DACH2: variants seen among roughly 807,000 people sequenced by gnomAD.
DACH2 encodes the protein dachshund homolog 2.
In DACH2, 17 loss-of-function variants were observed where a neutral mutation model predicts 35.8. That is an observed-to-expected ratio of 0.48 (90% CI 0.33 to 0.71). DACH2 has a LOEUF of 0.71. Ranked by LOEUF, DACH2 falls within the 30% of genes least tolerant of loss-of-function variation. The pLI is 0.02. For missense variants in DACH2, 469 were observed against 472.7 expected, an observed-to-expected ratio of 0.99 and a Z score of 0.07; for synonymous variants, 195 against 177.3, an observed-to-expected ratio of 1.10 and a Z score of -0.79.
At chrX:86,160,496 A>G in intron 1 of DACH2, 1 of 532,271 alleles carries the variant, frequency 1.9e-6, no homozygotes, top group Non-Finnish European at 3.4e-6. Flanking sequence ...CTTTTCCTTC[A>G]GTACAGCAAA....
intron 2 of DACH2, among the ~76,000 whole-genome samples, chrX:86,387,758 A>G (rs911848219): frequency 1.8e-5 from 2 of 112,097 alleles, no homozygotes; most frequent in African/African-American, 6.5e-5. Context: ...TCAATATTCA[A>G]TAAATATTTA....
intron 4 of DACH2, among the ~76,000 whole-genome samples, chrX:86,682,896 G>C (rs936006232): frequency 6.3e-5 from 7 of 110,829 alleles, no homozygotes; most frequent in Non-Finnish European, 1.3e-4. Context: ...AATTTTTGGT[G>C]ATAAAATTAG....
At chrX:86,206,929 C>T (rs1303587511) in intron 1 of DACH2, among the ~76,000 whole-genome samples, 3 of 111,517 alleles carry the variant, frequency 2.7e-5, no homozygotes, top group Non-Finnish European at 5.7e-5. Flanking sequence ...TGGGTAAGCA[C>T]CTTAAATCTT....
At chrX:86,418,003 C>T (rs2036738195) in intron 2 of DACH2, among the ~76,000 whole-genome samples, 2 of 111,562 alleles carry the variant, frequency 1.8e-5, no homozygotes, top group African/African-American at 6.5e-5. Flanking sequence ...CTCTAGGCTC[C>T]ATGCAAGTCC....
At chrX:86,349,599 G>A (rs1205220508) in intron 1 of DACH2, among the ~76,000 whole-genome samples, 3 of 112,094 alleles carry the variant, frequency 2.7e-5, no homozygotes, top group Non-Finnish European at 5.6e-5. Context: ...CACAGCTCGA[G>A]TTTAGTCAGT....
intron 5 of DACH2, among the ~76,000 whole-genome samples, chrX:86,705,063 A>ATATATATCTCACATATATATATATATC (rs59432076): frequency 7.6e-5 from 8 of 104,657 alleles, no homozygotes; most frequent in African/African-American, 2.9e-4. Context: ...ATATATATAT[A>ATATATATCTCACATATATATATATATC]TATCTCACAT....
Position 86,334,295 on chromosome X carries a change from G to A in DACH2, c.489-42529G>A, listed in dbSNP as rs952926405. Among the ~76,000 whole-genome samples, 65 of 111,819 alleles carry A rather than the reference G, an allele frequency of 5.8e-4. 1 individual carries two copies. The highest frequency in any genetic ancestry group is 2.0e-3 in the African/African-American group (61 of 30,775). ...CAGTAATGGGATTGCTGGGTCAAAA[G>A]GTATTATTTCTAGGTTTAGATCCTT... On this transcript the variant is annotated intron_variant, in intron 1 of 11. Transcript: ENST00000373125.
At chrX:86,265,213 C>G (rs2147966171) in intron 1 of DACH2, among the ~76,000 whole-genome samples, 1 of 111,645 alleles carries the variant, frequency 9.0e-6, no homozygotes, top group Admixed American at 9.5e-5. Flanking sequence ...TATTGCGGGA[C>G]AGATGAGTGG....
At chrX:86,214,737 T>C (rs983337155) in intron 1 of DACH2, among the ~76,000 whole-genome samples, 1 of 111,708 alleles carries the variant, frequency 9.0e-6, no homozygotes, top group African/African-American at 3.2e-5. Flanking sequence ...TTAGCATCTT[T>C]TATAGCTGTA....
chrX:86,325,285 G>A (rs759983920), intron 1 of DACH2, among the ~76,000 whole-genome samples: 9 of 111,555 alleles, frequency 8.1e-5, no homozygotes, highest in South Asian at 3.8e-4. Context: ...GCGAGCTCAC[G>A]CTTAATTGAG....
intron 7 of DACH2, among the ~76,000 whole-genome samples, chrX:86,801,708 G>A (rs1468420359): frequency 1.8e-5 from 2 of 111,848 alleles, no homozygotes; most frequent in African/African-American, 6.5e-5. Flanking sequence ...GTTTTCCCAA[G>A]TTTTCCATGA....
At chrX:86,716,566 T>A (rs1362794234) in intron 6 of DACH2, among the ~76,000 whole-genome samples, 1 of 111,408 alleles carries the variant, frequency 9.0e-6, no homozygotes, top group Non-Finnish European at 1.9e-5. Context: ...TTCAAAGTAA[T>A]GGTATTGTTA....
At chrX:86,337,821 T>G (rs2213649) in intron 1 of DACH2, among the ~76,000 whole-genome samples, 1,899 of 111,512 alleles carry the variant, frequency 0.017, 31 homozygotes, top group African/African-American at 0.056. Flanking sequence ...GAGACCCATC[T>G]CATGTGCAGA....
intron 7 of DACH2, among the ~76,000 whole-genome samples, chrX:86,797,308 GTA>G (rs1050671426): frequency 2.7e-5 from 3 of 109,945 alleles, no homozygotes; most frequent in African/African-American, 9.9e-5. Flanking sequence ...ACATACATAA[GTA>G]TATATATAAT....
intron 3 of DACH2, among the ~76,000 whole-genome samples, chrX:86,619,862 G>A (rs757724393): frequency 1.3e-4 from 14 of 111,865 alleles, no homozygotes; most frequent in African/African-American, 4.5e-4. Context: ...TGCTATATAG[G>A]CAAACATTAA....
chrX:86,753,416 T>C (rs769201282), intron 7 of DACH2, among the ~76,000 whole-genome samples: 1 of 111,948 alleles, frequency 8.9e-6, no homozygotes, highest in East Asian at 2.8e-4. Flanking sequence ...GTATTTACTG[T>C]TTACATTGTC....
intron 4 of DACH2, among the ~76,000 whole-genome samples, chrX:86,675,747 G>T (rs767830188): frequency 9.2e-6 from 1 of 108,899 alleles, no homozygotes; most frequent in East Asian, 3.0e-4. Flanking sequence ...GAAATTAAGA[G>T]TTTTTTTTTC....
intron 1 of DACH2, among the ~76,000 whole-genome samples, chrX:86,308,451 G>C (rs2034734001): frequency 1.8e-5 from 2 of 112,160 alleles, no homozygotes; most frequent in Non-Finnish European, 3.8e-5. Context: ...TCCTAGAAGT[G>C]AAATTGATGG....
At chrX:86,215,559 C>T (rs973420339) in intron 1 of DACH2, among the ~76,000 whole-genome samples, 1 of 110,570 alleles carries the variant, frequency 9.0e-6, no homozygotes, top group Non-Finnish European at 1.9e-5. Flanking sequence ...AAAAAGGAAA[C>T]CTTTCATTCC....
Sources: allele counts gnomAD v4.1 joint callset (sites outside exome capture counted in the v4.1 genomes callset), GRCh38; gene constraint gnomAD v4.1.1; transcripts MANE v1.5; gene names NCBI Gene and HGNC (gene_info 2026-07-23, HGNC 2026-07-21).